Variants in SUCLG2 observed in about 807,000 individuals in gnomAD.
SUCLG2 encodes succinate--CoA ligase [GDP-forming] subunit beta, mitochondrial.
SUCLG2 carries 42 observed loss-of-function variants against 47.9 expected under a neutral mutation model. The observed-to-expected ratio is 0.88, with a 90% CI of 0.69 to 1.14. The LOEUF (loss-of-function observed/expected upper bound fraction) is 1.14, where lower values mean the gene tolerates loss of function less well. Ranked by LOEUF, SUCLG2 falls within the 50% of genes most tolerant of loss-of-function variation. SUCLG2 has a pLI of 0.00. For missense variants in SUCLG2, 571 were observed against 525.9 expected, an observed-to-expected ratio of 1.09 and a Z score of -0.84; for synonymous variants, 195 against 197.3, an observed-to-expected ratio of 0.99 and a Z score of 0.10.
At position 67,631,311 on chromosome 3, in the gene SUCLG2, G is replaced by A. The variant is rs79003358; in HGVS notation, c.85-21715C>T. 6.3e-3 allele frequency among the ~76,000 whole-genome samples: 957 copies of A among 152,234 alleles called. 18 individuals carry two copies. The highest frequency in any genetic ancestry group is 0.022 in the African/African-American group (907 of 41,526). On this transcript the variant is annotated intron_variant, in intron 1 of 10. Transcript: ENST00000307227. ...GATAGAGGTGAATGGTTGCAGCAGG[G>A]AATGTAAGGCCCAGGAGTATAAAGT... is the stretch of plus-strand genomic sequence containing the variant.
At chr3:67,493,186 A>C (rs962003552) in intron 9 of SUCLG2, among the ~76,000 whole-genome samples, 56 of 152,296 alleles carry the variant, frequency 3.7e-4, no homozygotes, top group African/African-American at 1.3e-3. Context: ...AAATCACATC[A>C]ACTCATCTAT....
intron 9 of SUCLG2, among the ~76,000 whole-genome samples, chr3:67,417,429 G>A (rs941051218): frequency 6.6e-6 from 1 of 152,182 alleles, no homozygotes; most frequent in Non-Finnish European, 1.5e-5. Flanking sequence ...GTACCAAATG[G>A]TTCCTTCTCA....
chr3:67,480,674 C>G (rs1456928828), intron 9 of SUCLG2, among the ~76,000 whole-genome samples: 1 of 152,208 alleles, frequency 6.6e-6, no homozygotes, highest in African/African-American at 2.4e-5. Context: ...TGAGCTTCCA[C>G]AGAAAACCCC....
chr3:67,384,458 A>G (rs1702220355), intron 10 of SUCLG2, among the ~76,000 whole-genome samples: 1 of 152,204 alleles, frequency 6.6e-6, no homozygotes, highest in South Asian at 2.1e-4. Flanking sequence ...TGCTGCTTCA[A>G]CACTACAATG....
At chr3:67,414,157 T>C (rs1220910774) in intron 9 of SUCLG2, among the ~76,000 whole-genome samples, 1 of 152,174 alleles carries the variant, frequency 6.6e-6, no homozygotes, top group African/African-American at 2.4e-5. Flanking sequence ...GCATCTCCCA[T>C]TTTTTTGTTT....
At chr3:67,532,159 A>G (rs995158074) in intron 2 of SUCLG2, among the ~76,000 whole-genome samples, 1 of 152,188 alleles carries the variant, frequency 6.6e-6, no homozygotes, top group Non-Finnish European at 1.5e-5. Context: ...TGTTTTAGAC[A>G]GAGTCTCACT....
intron 9 of SUCLG2, among the ~76,000 whole-genome samples, chr3:67,454,529 A>G (rs1183147414): frequency 6.6e-6 from 1 of 152,102 alleles, no homozygotes; most frequent in African/African-American, 2.4e-5. Context: ...ATCTATCTCT[A>G]TAGAGATATA....
At chr3:67,580,129 T>C (rs1402396361) in intron 2 of SUCLG2, among the ~76,000 whole-genome samples, 2 of 152,220 alleles carry the variant, frequency 1.3e-5, no homozygotes, top group Non-Finnish European at 2.9e-5. Context: ...TATATCCTAA[T>C]ACATTTTTAA....
chr3:67,411,621 T>C (rs1246790182), intron 9 of SUCLG2, among the ~76,000 whole-genome samples: 2 of 152,196 alleles, frequency 1.3e-5, no homozygotes, highest in African/African-American at 4.8e-5. Context: ...ATACATGTTT[T>C]ATTCATTACA....
At chr3:67,539,798 G>C (rs1271241764) in intron 2 of SUCLG2, among the ~76,000 whole-genome samples, 1 of 152,276 alleles carries the variant, frequency 6.6e-6, no homozygotes, top group Middle Eastern at 3.4e-3. Context: ...GAAGGTGTAT[G>C]TGACCAGGAA....
At position 67,494,467 on chromosome 3, in the gene SUCLG2, T is replaced by TA. The variant is rs201307715; in HGVS notation, c.1062+1330dup. Among the ~76,000 whole-genome samples the TA allele has an allele frequency of 7.1e-3, 1,065 of 150,556 alleles. 12 individuals carry two copies. The highest frequency in any genetic ancestry group is 0.024 in the African/African-American group (1,003 of 41,024). ...CTGAGCAACACAGCAAGACAAAAAATAAAAAAAAATTGGCCAGGCATGGTG... is the reference window on the plus strand; with the variant it reads ...CTGAGCAACACAGCAAGACAAAAAATAAAAAAAAAATTGGCCAGGCATGGTG... On this transcript the variant is annotated intron_variant, in intron 9 of 10. Transcript: ENST00000307227.
At chr3:67,622,407 A>G (rs1232762320) in intron 1 of SUCLG2, among the ~76,000 whole-genome samples, 1 of 152,234 alleles carries the variant, frequency 6.6e-6, no homozygotes, top group Non-Finnish European at 1.5e-5. Flanking sequence ...TTAAAGGGTC[A>G]GAAGGGATCA....
chr3:67,617,153 A>G (rs949996274), intron 1 of SUCLG2, among the ~76,000 whole-genome samples: 22 of 152,208 alleles, frequency 1.4e-4, no homozygotes, highest in Admixed American at 9.2e-4. Context: ...GTCTCAATAT[A>G]AGTGTCATAA....
At chr3:67,384,431 C>G in intron 10 of SUCLG2, among the ~76,000 whole-genome samples, 1 of 152,218 alleles carries the variant, frequency 6.6e-6, no homozygotes, top group Non-Finnish European at 1.5e-5. Context: ...ATGTCCATTC[C>G]TCTACCTATT....
At chr3:67,470,539 G>C (rs756115477) in intron 9 of SUCLG2, among the ~76,000 whole-genome samples, 12 of 152,208 alleles carry the variant, frequency 7.9e-5, no homozygotes, top group Middle Eastern at 3.2e-3. Context: ...ATGGATGAAT[G>C]TCTTTATTGC....
chr3:67,389,848 G>A (rs1199853840), intron 10 of SUCLG2, among the ~76,000 whole-genome samples: 1 of 152,132 alleles, frequency 6.6e-6, no homozygotes, highest in Non-Finnish European at 1.5e-5. Context: ...TTTGATGGAT[G>A]AATTTCTCAA....
intron 6 of SUCLG2, among the ~76,000 whole-genome samples, chr3:67,517,085 C>A (rs903220379): frequency 1.3e-5 from 2 of 152,304 alleles, no homozygotes; most frequent in East Asian, 3.9e-4. Context: ...TCCATCGAAT[C>A]CTGGCCCTTT....
chr3:67,383,716 C>G (rs1000318217), intron 10 of SUCLG2, among the ~76,000 whole-genome samples: 5 of 152,076 alleles, frequency 3.3e-5, no homozygotes, highest in African/African-American at 1.2e-4. Context: ...TCACTGAGAG[C>G]TGATGCTACG....
intron 1 of SUCLG2, among the ~76,000 whole-genome samples, chr3:67,649,515 C>A (rs1219818722): frequency 6.6e-6 from 1 of 151,586 alleles, no homozygotes. Context: ...CTTTGTATAC[C>A]CAAAAGTGCC....
Sources: gnomAD v4.1 joint callset for allele counts (sites outside exome capture counted in the v4.1 genomes callset) on GRCh38, gnomAD v4.1.1 for gene constraint, MANE v1.5 for transcripts, NCBI Gene and HGNC (gene_info 2026-07-23, HGNC 2026-07-21) for gene names.